Variants in ERP27 observed in about 807,000 individuals in gnomAD.
ERP27 encodes the protein endoplasmic reticulum protein 27, also known as endoplasmic reticulum resident protein 27.
ERP27 carries 23 observed loss-of-function variants against 27.7 expected under a neutral mutation model. The observed-to-expected ratio is 0.83, with a 90% CI of 0.60 to 1.18. The LOEUF is 1.18. ERP27 is among the 50% of genes most tolerant of loss of function. The pLI, the probability that ERP27 is intolerant of heterozygous loss-of-function variation, is 0.00. For missense variants in ERP27, 363 were observed against 327.9 expected, an observed-to-expected ratio of 1.11 and a Z score of -0.83; for synonymous variants, 159 against 118.3, an observed-to-expected ratio of 1.34 and a Z score of -2.23.
chr12:14,915,410 C>A (rs1863392510), intron 6 of ERP27, 79 bp downstream of exon 6: 1 of 1,497,522 alleles, frequency 6.7e-7, no homozygotes, highest in Non-Finnish European at 9.2e-7. Context: ...CTCTCTGAGC[C>A]CAAAGAATTC....
intron 4 of ERP27, among the ~76,000 whole-genome samples, chr12:14,919,831 G>T (rs1175636273): frequency 6.6e-6 from 1 of 152,176 alleles, no homozygotes; most frequent in African/African-American, 2.4e-5. Flanking sequence ...GTTACATTTT[G>T]TCCCTTAAAT....
intron 3 of ERP27, among the ~76,000 whole-genome samples, chr12:14,927,510 G>A (rs1863622508): frequency 6.6e-6 from 1 of 151,858 alleles, no homozygotes; most frequent in East Asian, 1.9e-4. Flanking sequence ...TGTTGTACTA[G>A]ATTCACCTCC....
intron 3 of ERP27, chr12:14,928,932 T>A (rs996746484): frequency 2.0e-6 from 3 of 1,534,800 alleles, no homozygotes; most frequent in African/African-American, 2.7e-5. Flanking sequence ...AGATACTTAA[T>A]GCTGCTACCG....
chr12:14,919,412 C>G (rs1315198161), intron 4 of ERP27, among the ~76,000 whole-genome samples: 2 of 152,140 alleles, frequency 1.3e-5, no homozygotes, highest in African/African-American at 2.4e-5. Flanking sequence ...CAAAATGCCA[C>G]AACACGGAGG....
intron 2 of ERP27, among the ~76,000 whole-genome samples, chr12:14,937,398 G>T (rs1863788110): frequency 6.6e-6 from 1 of 152,152 alleles, no homozygotes. Context: ...AGCTAATCTG[G>T]AAGATGGAGG....
chr12:14,924,943 C>T (rs1434745486), intron 3 of ERP27, among the ~76,000 whole-genome samples: 2 of 152,208 alleles, frequency 1.3e-5, no homozygotes, highest in Non-Finnish European at 2.9e-5. Context: ...TTCCCACCAG[C>T]CCCATGACAG....
intron 3 of ERP27, among the ~76,000 whole-genome samples, chr12:14,924,923 C>A (rs1021656434): frequency 1.6e-4 from 24 of 152,232 alleles, no homozygotes; most frequent in African/African-American, 5.5e-4. Context: ...TGGTCGTCGT[C>A]CCTGTTACCT....
At chr12:14,927,584 C>T (rs969998290) in intron 3 of ERP27, among the ~76,000 whole-genome samples, 1 of 152,212 alleles carries the variant, frequency 6.6e-6, no homozygotes, top group East Asian at 1.9e-4. Context: ...TCTCAAAATG[C>T]AAATTTATTT....
At chr12:14,931,182 T>C (rs1449221305) in intron 3 of ERP27, among the ~76,000 whole-genome samples, 1 of 152,280 alleles carries the variant, frequency 6.6e-6, no homozygotes, top group Admixed American at 6.5e-5. Flanking sequence ...AATGCAGGAA[T>C]AATAAAAATT....
intron 3 of ERP27, among the ~76,000 whole-genome samples, chr12:14,921,422 C>T (rs1863502152): frequency 1.3e-5 from 2 of 152,106 alleles, no homozygotes; most frequent in Admixed American, 6.5e-5. Context: ...TGAGAGGTTG[C>T]GTTCTGGAAG....
chr12:14,915,771 A>C, intron 5 of ERP27, 85 bp from the exon 6 acceptor site: 3 of 1,183,954 alleles, frequency 2.5e-6, no homozygotes, highest in Non-Finnish European at 2.4e-6. Context: ...GTTGCAGCTC[A>C]CACTGATTGA....
chr12:14,915,421 T>C, intron 6 of ERP27, 68 bp downstream of exon 6: 1 of 1,546,372 alleles, frequency 6.5e-7, no homozygotes, highest in Non-Finnish European at 8.9e-7. Context: ...CAAAGAATTC[T>C]TATTCAACTG....
chr12:14,918,086 G>A (rs77882418), intron 4 of ERP27, among the ~76,000 whole-genome samples: 1,821 of 152,290 alleles, frequency 0.012, 43 homozygotes, highest in African/African-American at 0.041. Flanking sequence ...TACGTGGAAG[G>A]CACTGTCTCC....
At chr12:14,925,566 A>G (rs1374595642) in intron 3 of ERP27, among the ~76,000 whole-genome samples, 1 of 152,088 alleles carries the variant, frequency 6.6e-6, no homozygotes, top group Admixed American at 6.5e-5. Context: ...TGTATTTCTT[A>G]ATTTTAAAAT....
Position 14,915,504 on chromosome 12 carries a change from T to G in ERP27, c.759A>C (p.Leu253=). The change falls in exon 6 of 7, where the codon CTA becomes CTC. Residue 253 remains leucine (L), a synonymous_variant. Coordinates refer to ENST00000266397, the MANE Select transcript of ERP27 (RefSeq NM_152321.4). Reference sequence around the variant, plus strand: ...TCACACTTACCAACAATTTTCCACTTAGGAATCCATCACAAAAGTTTTGCA... The same window carrying G: ...TCACACTTACCAACAATTTTCCACTGAGGAATCCATCACAAAAGTTTTGCA... ...EHVQNFCDGF[L]SGKLLKENRE... is the part of the protein sequence containing the mutation. 6.2e-7 allele frequency: 1 copy of G among 1,614,078 alleles called. No individual in the cohort carries two copies. Among genetic ancestry groups the G allele is most frequent in the Non-Finnish European group, 8.5e-7 (1 of 1,179,896 alleles).
chr12:14,925,489 A>T (rs953393649), intron 3 of ERP27, among the ~76,000 whole-genome samples: 5 of 152,160 alleles, frequency 3.3e-5, no homozygotes, highest in African/African-American at 1.2e-4. Context: ...AATTTTTATC[A>T]TTCAGTTCAA....
Position 14,915,504 on chromosome 12 carries a change from T to C in ERP27, c.759A>G (p.Leu253=). 1 of 1,614,078 alleles carries C rather than the reference T, an allele frequency of 6.2e-7. No homozygotes were observed. Among genetic ancestry groups the C allele is most frequent in the Non-Finnish European group, 8.5e-7 (1 of 1,179,896 alleles). Residue 253 remains leucine (L), a synonymous_variant, in exon 6 of 7, where the codon CTA becomes CTG. Coordinates refer to ENST00000266397, the MANE Select transcript of ERP27 (RefSeq NM_152321.4). ...EHVQNFCDGF[L]SGKLLKENRE... is the part of the protein sequence containing the mutation. ...TCACACTTACCAACAATTTTCCACTTAGGAATCCATCACAAAAGTTTTGCA... is the reference window on the plus strand; with the variant it reads ...TCACACTTACCAACAATTTTCCACTCAGGAATCCATCACAAAAGTTTTGCA...
chr12:14,925,821 G>A (rs1020736796), intron 3 of ERP27, among the ~76,000 whole-genome samples: 1 of 152,066 alleles, frequency 6.6e-6, no homozygotes, highest in African/African-American at 2.4e-5. Context: ...TGTAATCCCA[G>A]CACTTTGGGA....
At chr12:14,922,331 G>A (rs550079331) in intron 3 of ERP27, among the ~76,000 whole-genome samples, 2 of 152,204 alleles carry the variant, frequency 1.3e-5, no homozygotes, top group South Asian at 4.2e-4. Flanking sequence ...ACTGATTTTG[G>A]TGGATATGGT....
Sources: allele counts gnomAD v4.1 joint callset (sites outside exome capture counted in the v4.1 genomes callset), GRCh38; gene constraint gnomAD v4.1.1; transcripts MANE v1.5; gene names NCBI Gene and HGNC (gene_info 2026-07-23, HGNC 2026-07-21).